COL13A1: variants seen among roughly 807,000 people sequenced by gnomAD.
COL13A1 encodes the protein collagen alpha-1(XIII) chain.
Under a neutral mutation model 130.9 loss-of-function variants are expected in COL13A1, and 89 were observed. The observed-to-expected ratio is 0.68, with a 90% CI of 0.57 to 0.81. The LOEUF is 0.81. COL13A1 is among the 30% of genes least tolerant of loss of function. The probability of loss-of-function intolerance (pLI) is 0.00; values close to 1 mark genes in which losing one functional copy is unlikely to be tolerated. For synonymous variants in COL13A1, 402 were observed against 341.6 expected, an observed-to-expected ratio of 1.18 and a Z score of -1.95; for missense variants, 879 against 934.6, an observed-to-expected ratio of 0.94 and a Z score of 0.78.
intron 1 of COL13A1, among the ~76,000 whole-genome samples, chr10:69,810,445 C>T (rs937513498): frequency 3.3e-5 from 5 of 151,592 alleles, no homozygotes; most frequent in Non-Finnish European, 5.9e-5. Flanking sequence ...CCCCCTTACC[C>T]GGGTCCCAAG....
chr10:69,915,248 A>T (rs1331066981), intron 17 of COL13A1, among the ~76,000 whole-genome samples: 1 of 152,238 alleles, frequency 6.6e-6, no homozygotes, highest in Admixed American at 6.5e-5. Flanking sequence ...CAGTGCAGAC[A>T]CATGGCAGCT....
At chr10:69,805,435 G>A (rs1319996410) in intron 1 of COL13A1, among the ~76,000 whole-genome samples, 1 of 152,206 alleles carries the variant, frequency 6.6e-6, no homozygotes, top group African/African-American at 2.4e-5. Context: ...ATCTGTGGGG[G>A]CCTTGTCTGT....
At chr10:69,918,965 C>A in intron 19 of COL13A1, 97 bp from the exon 20 acceptor site, 1 of 1,451,532 alleles carries the variant, frequency 6.9e-7, no homozygotes, top group Non-Finnish European at 9.6e-7. Context: ...ACTAACCCCA[C>A]CCTGACTGCC....
intron 2 of COL13A1, among the ~76,000 whole-genome samples, chr10:69,827,637 T>C (rs1171746197): frequency 6.6e-6 from 1 of 152,206 alleles, no homozygotes; most frequent in Non-Finnish European, 1.5e-5. Flanking sequence ...TCTGCGATCC[T>C]ACGAATAGGG....
At chr10:69,867,713 TC>T in intron 2 of COL13A1, 84 bp from the exon 3 acceptor site, 1 of 713,450 alleles carries the variant, frequency 1.4e-6, no homozygotes. Context: ...CGCTGATGAA[TC>T]CTTGGACACT....
chr10:69,906,832 G>A (rs1173769187), intron 17 of COL13A1, among the ~76,000 whole-genome samples: 1 of 152,114 alleles, frequency 6.6e-6, no homozygotes, highest in Non-Finnish European at 1.5e-5. Flanking sequence ...CCAGGTTCAA[G>A]TGATTCTCCT....
In COL13A1 at chr10:69,822,443, G is replaced by C; in HGVS notation, c.364+5G>C. The stretch of plus-strand genomic sequence containing the variant: ...CAGGATGTAACTGCCCACCAGGTAA[G>C]CAGCCCTGCAAATAGGTGACCGCGG... On this transcript the variant is annotated splice_donor_5th_base_variant and intron_variant, in intron 2 of 40. Transcript: ENST00000645393. 6.3e-7 allele frequency: 1 copy of C among 1,584,636 alleles called. No individual in the cohort carries two copies. The highest frequency in any genetic ancestry group is 2.3e-5 in the East Asian group (1 of 43,066).
chr10:69,913,803 G>A (rs1040610753), intron 17 of COL13A1, among the ~76,000 whole-genome samples: 3 of 151,728 alleles, frequency 2.0e-5, no homozygotes, highest in South Asian at 2.1e-4. Flanking sequence ...TGGAGTGAGC[G>A]GCAGAGCGAG....
chr10:69,935,791 C>A (rs192881828), intron 32 of COL13A1, among the ~76,000 whole-genome samples: 342 of 152,184 alleles, frequency 2.2e-3, no homozygotes, highest in African/African-American at 7.8e-3. Flanking sequence ...AGGTGGATCG[C>A]TTGAGTCCGG....
chr10:69,868,618 T>C (rs1307958445), intron 3 of COL13A1, among the ~76,000 whole-genome samples: 1 of 152,242 alleles, frequency 6.6e-6, no homozygotes, highest in Non-Finnish European at 1.5e-5. Flanking sequence ...TCAAGGTTGC[T>C]GAAATCAACC....
chr10:69,881,303 C>T (rs1029765183), intron 7 of COL13A1, among the ~76,000 whole-genome samples: 8 of 152,118 alleles, frequency 5.3e-5, no homozygotes, highest in African/African-American at 1.7e-4. Flanking sequence ...AGAGGGGGAG[C>T]GCCCTCCCGT....
intron 2 of COL13A1, among the ~76,000 whole-genome samples, chr10:69,830,634 T>C (rs1201721985): frequency 6.6e-6 from 1 of 152,168 alleles, no homozygotes; most frequent in Non-Finnish European, 1.5e-5. Flanking sequence ...GAGGAGGGAC[T>C]GGGTAGAGAC....
intron 1 of COL13A1, among the ~76,000 whole-genome samples, chr10:69,819,500 G>A (rs958231239): frequency 2.0e-5 from 3 of 152,314 alleles, no homozygotes; most frequent in South Asian, 4.1e-4. Flanking sequence ...TGGGAGCTCC[G>A]TAGCTGGGGT....
Position 69,815,450 on chromosome 10 carries a change from A to T in COL13A1, c.295-6919A>T, listed in dbSNP as rs190723962. On this transcript the variant is annotated intron_variant, in intron 1 of 40. Transcript: ENST00000645393. ...ATTCCAGGAGGCCCCGGCTGCCAGCAGGGGCAAAACAGGAAGGCTTCTCTG... is the reference window on the plus strand; with the variant it reads ...ATTCCAGGAGGCCCCGGCTGCCAGCTGGGGCAAAACAGGAAGGCTTCTCTG... Among the ~76,000 whole-genome samples, 45 of 152,312 alleles carry T rather than the reference A, an allele frequency of 3.0e-4. No individual in the cohort carries two copies. The East Asian group carries it at 8.1e-3, about 27-fold the overall frequency.
chr10:69,813,847 G>A (rs1290077942), intron 1 of COL13A1, among the ~76,000 whole-genome samples: 1 of 152,162 alleles, frequency 6.6e-6, no homozygotes, highest in East Asian at 1.9e-4. Flanking sequence ...TAGCCCATGG[G>A]GCCAGCACTG....
At chr10:69,896,687 G>A (rs1246964016) in intron 13 of COL13A1, among the ~76,000 whole-genome samples, 1 of 152,162 alleles carries the variant, frequency 6.6e-6, no homozygotes, top group South Asian at 2.1e-4. Flanking sequence ...CTGAGGTCTG[G>A]GTTCCTGGGC....
At chr10:69,855,483 TATA>T (rs1256657949) in intron 2 of COL13A1, among the ~76,000 whole-genome samples, 3 of 152,190 alleles carry the variant, frequency 2.0e-5, no homozygotes, top group Non-Finnish European at 4.4e-5. Context: ...AATAACATAT[TATA>T]ATAACACTCC....
intron 3 of COL13A1, among the ~76,000 whole-genome samples, chr10:69,870,812 C>G (rs1023360989): frequency 6.6e-6 from 1 of 151,784 alleles, no homozygotes; most frequent in Non-Finnish European, 1.5e-5. Context: ...GAGCCACACA[C>G]TTGGCTCTGA....
At chr10:69,886,099 G>C (rs1416625232) in intron 7 of COL13A1, among the ~76,000 whole-genome samples, 1 of 152,192 alleles carries the variant, frequency 6.6e-6, no homozygotes, top group Non-Finnish European at 1.5e-5. Flanking sequence ...AAATCTTCTG[G>C]AGAGGATCTG....
Sources: allele counts gnomAD v4.1 joint callset (sites outside exome capture counted in the v4.1 genomes callset), GRCh38; gene constraint gnomAD v4.1.1; transcripts MANE v1.5; gene names NCBI Gene and HGNC (gene_info 2026-07-23, HGNC 2026-07-21).